Variants in AMBRA1 observed in about 807,000 individuals in gnomAD.
The protein encoded by AMBRA1 is autophagy and beclin 1 regulator 1.
A neutral mutation model predicts 125.4 loss-of-function variants in AMBRA1; 47 were observed. The observed-to-expected ratio is 0.37, with a 90% confidence interval of 0.30 to 0.48. The LOEUF (loss-of-function observed/expected upper bound fraction) is 0.48. Among genes scored for constraint, AMBRA1 ranks in the 20% least tolerant of loss-of-function variants. The probability of loss-of-function intolerance (pLI) is 0.99; values close to 1 mark genes in which losing one functional copy is unlikely to be tolerated. For synonymous variants in AMBRA1, 626 were observed against 655.5 expected, an observed-to-expected ratio of 0.95 and a Z score of 0.69; for missense variants, 1,331 against 1,693.4, an observed-to-expected ratio of 0.79 and a Z score of 3.76.
At position 46,572,170 on chromosome 11, in the gene AMBRA1, G is replaced by A. The variant is rs1007505978; in HGVS notation, c.-121+21658C>T. 5.3e-5 allele frequency among the ~76,000 whole-genome samples: 8 copies of A among 152,102 alleles called. No individual in the cohort carries two copies. The South Asian group carries it at 1.2e-3, about 24-fold the overall frequency. Reference sequence around the variant, plus strand: ...ACAAAAATTTGCTGGGCGTGGTGGCGCCAGCCTGTAATCCCAGCTACTCGG... The same window carrying A: ...ACAAAAATTTGCTGGGCGTGGTGGCACCAGCCTGTAATCCCAGCTACTCGG... On this transcript the variant is annotated intron_variant, in intron 1 of 17. Transcript: ENST00000683756.
intron 11 of AMBRA1, among the ~76,000 whole-genome samples, chr11:46,467,549 CTTTT>C (rs577671556): frequency 2.2e-5 from 3 of 134,280 alleles, no homozygotes; most frequent in Admixed American, 7.5e-5. Flanking sequence ...CTATGTTACT[CTTTT>C]TTTTTTTTTT....
At chr11:46,428,174 AAAG>A (rs1243782791) in intron 14 of AMBRA1, among the ~76,000 whole-genome samples, 1 of 152,118 alleles carries the variant, frequency 6.6e-6, no homozygotes, top group Non-Finnish European at 1.5e-5. Context: ...AGAAAGGAAG[AAAG>A]AAGAAGGGGA....
At chr11:46,448,096 A>AAG (rs1948399618) in intron 11 of AMBRA1, among the ~76,000 whole-genome samples, 1 of 152,230 alleles carries the variant, frequency 6.6e-6, no homozygotes, top group Non-Finnish European at 1.5e-5. Context: ...TGCCAGGGCC[A>AAG]AGAGAGAGAA....
intron 9 of AMBRA1, among the ~76,000 whole-genome samples, chr11:46,503,574 A>T (rs1386125250): frequency 6.6e-6 from 1 of 152,234 alleles, no homozygotes; most frequent in Non-Finnish European, 1.5e-5. Context: ...TCGGGTTGCC[A>T]CAAACCTTCA....
chr11:46,478,227 C>G (rs1949902072), intron 11 of AMBRA1, among the ~76,000 whole-genome samples: 1 of 152,166 alleles, frequency 6.6e-6, no homozygotes, highest in Non-Finnish European at 1.5e-5. Flanking sequence ...TAATATGCCA[C>G]AGTAATTGGG....
At chr11:46,513,642 A>G (rs935005875) in intron 7 of AMBRA1, among the ~76,000 whole-genome samples, 2 of 152,178 alleles carry the variant, frequency 1.3e-5, no homozygotes, top group South Asian at 2.1e-4. Context: ...CTTAACTCCA[A>G]AATGCCTCAA....
intron 11 of AMBRA1, among the ~76,000 whole-genome samples, chr11:46,488,223 G>A (rs1448381084): frequency 1.3e-5 from 2 of 152,066 alleles, no homozygotes; most frequent in African/African-American, 4.8e-5. Flanking sequence ...TGGGAAGCTG[G>A]GGCAGGTAGA....
At chr11:46,497,124 TAAATAAAATA>T (rs935781253) in intron 9 of AMBRA1, among the ~76,000 whole-genome samples, 2 of 150,840 alleles carry the variant, frequency 1.3e-5, no homozygotes, top group African/African-American at 2.4e-5. Flanking sequence ...AATAAATAAA[TAAATAAAATA>T]AAATAAAATA....
intron 1 of AMBRA1, among the ~76,000 whole-genome samples, chr11:46,577,383 G>T (rs1005344502): frequency 1.3e-5 from 2 of 152,184 alleles, no homozygotes; most frequent in Non-Finnish European, 2.9e-5. Context: ...ATTGTATGAT[G>T]CCATTTACAT....
chr11:46,465,997 T>G (rs537816748), intron 11 of AMBRA1, among the ~76,000 whole-genome samples: 65 of 152,320 alleles, frequency 4.3e-4, no homozygotes, highest in African/African-American at 1.4e-3. Flanking sequence ...TACAGAGTCT[T>G]GAGACATGCC....
rs1297955141 is a variant in AMBRA1 at position 46,455,665 on chromosome 11, C to A, written c.2522-12067G>T. 2.6e-5 allele frequency among the ~76,000 whole-genome samples: 4 copies of A among 152,210 alleles called. No individual in the cohort carries two copies. The South Asian group carries it at 6.2e-4, about 24-fold the overall frequency. On this transcript the variant is annotated intron_variant, in intron 11 of 17. Transcript: ENST00000683756. Reference sequence around the variant, plus strand: ...GCTCATGCCATCCGGCCTGGTGAGCCTCAGAAAGCATACAGCTTCCATAAG... The same window carrying A: ...GCTCATGCCATCCGGCCTGGTGAGCATCAGAAAGCATACAGCTTCCATAAG...
In AMBRA1 at chr11:46,435,032, C is replaced by CG; in HGVS notation, c.2637dup (p.Val880ArgfsTer13). The CG allele has an allele frequency of 6.2e-7, 1 of 1,604,592 alleles. No homozygotes were observed. Among genetic ancestry groups the CG allele is most frequent in the South Asian group, 1.1e-5 (1 of 89,656 alleles). ...TTGCAGTTCTGCACCAGCACATTCACGGAAGCTGCATCAGACAAAGAAAGA... is the reference window on the plus strand; with the variant it reads ...TTGCAGTTCTGCACCAGCACATTCACGGGAAGCTGCATCAGACAAAGAAAGA... On this transcript the variant is annotated frameshift_variant, in exon 13 of 18. Transcript: ENST00000683756. LOFTEE classifies it high-confidence loss of function.
chr11:46,492,578 G>A (rs1950501049), intron 11 of AMBRA1, among the ~76,000 whole-genome samples: 1 of 152,232 alleles, frequency 6.6e-6, no homozygotes, highest in East Asian at 1.9e-4. Context: ...GTGGAGGTGG[G>A]AGGGAGGTAG....
intron 9 of AMBRA1, chr11:46,504,795 A>AAGG (rs1950969849): frequency 2.6e-5 from 4 of 152,254 alleles, no homozygotes; most frequent in Non-Finnish European, 5.9e-5. Flanking sequence ...AAATGGTGGT[A>AAGG]CATCATTTTC....
intron 14 of AMBRA1, chr11:46,428,796 T>C: frequency 1.9e-6 from 3 of 1,611,370 alleles, no homozygotes; most frequent in Non-Finnish European, 2.5e-6. Flanking sequence ...GCTTCCCCTC[T>C]TGTGAGTCTC....
intron 17 of AMBRA1, among the ~76,000 whole-genome samples, chr11:46,407,280 T>A (rs1430199090): frequency 6.6e-6 from 1 of 152,294 alleles, no homozygotes; most frequent in East Asian, 1.9e-4. Context: ...CAAATCCCTC[T>A]CGCTGTCAGG....
intron 1 of AMBRA1, among the ~76,000 whole-genome samples, chr11:46,562,439 G>A (rs1219198834): frequency 6.6e-6 from 1 of 152,202 alleles, no homozygotes; most frequent in South Asian, 2.1e-4. Flanking sequence ...GAAATGACAA[G>A]ATGATGGGAA....
rs749158929 is a variant in AMBRA1, at chr11:46,543,952, TTGGAACTGCTG to T, written c.618+12_618+22del. 6.3e-7 allele frequency: 1 copy of T among 1,598,214 alleles called. No individual in the cohort carries two copies. The highest frequency in any genetic ancestry group is 1.7e-5 in the Admixed American group (1 of 59,206). On this transcript the variant is annotated intron_variant, in intron 6 of 17. Transcript: ENST00000683756. The stretch of plus-strand genomic sequence containing the variant: ...AAAAGAACTCACAGTTTAGCTGGAA[TTGGAACTGCTG>T]GACTAACTTACCTGTTGATTAGAGG...
chr11:46,407,744 T>C (rs1384770522), intron 17 of AMBRA1, among the ~76,000 whole-genome samples: 1 of 152,226 alleles, frequency 6.6e-6, no homozygotes, highest in East Asian at 1.9e-4. Context: ...ACGTGCACCG[T>C]GGCTTTTCCT....
Sources: gnomAD v4.1 joint callset for allele counts (sites outside exome capture counted in the v4.1 genomes callset) on GRCh38, gnomAD v4.1.1 for gene constraint, MANE v1.5 for transcripts, NCBI Gene and HGNC (gene_info 2026-07-23, HGNC 2026-07-21) for gene names.